Variants in ARL10 observed in about 807,000 individuals in gnomAD.
The protein encoded by ARL10 is ADP-ribosylation factor-like protein 10.
Under a neutral mutation model 26.1 loss-of-function variants are expected in ARL10, and 23 were observed. The ratio of observed to expected loss-of-function variants is 0.88; its 90% CI spans 0.63 to 1.25. The LOEUF (loss-of-function observed/expected upper bound fraction) is 1.25. Ranked by LOEUF, ARL10 falls within the 50% of genes most tolerant of loss-of-function variation. The probability of loss-of-function intolerance (pLI) is 0.00; values close to 1 mark genes in which losing one functional copy is unlikely to be tolerated. For synonymous variants in ARL10, 138 were observed against 149.1 expected, an observed-to-expected ratio of 0.93 and a Z score of 0.54; for missense variants, 300 against 323.6, an observed-to-expected ratio of 0.93 and a Z score of 0.56.
rs1377292204 is a variant in ARL10, at chr5:176,366,429, G to A, written c.233G>A (p.Arg78His). Reference sequence around the variant, plus strand: ...CCGGCGCTGGAGGAGCTGGAACAGCGCGAGGTGCTGGTGCTGGGGCTGGAT... The same window carrying A: ...CCGGCGCTGGAGGAGCTGGAACAGCACGAGGTGCTGGTGCTGGGGCTGGAT... ...EEPALEELEQ[R>H]EVLVLGLDGA... Residue 78 changes from arginine (R) to histidine (H), a missense_variant, in exon 2 of 4, where the codon CGC becomes CAC. Physicochemically the swap from Arg to His is conservative, Grantham distance 29. Transcript: ENST00000310389. The A allele has an allele frequency of 5.6e-6, 9 of 1,612,838 alleles. No homozygotes were observed. In the East Asian group the frequency reaches 1.8e-4, roughly 32 times the overall value.
chr5:176,410,381 C>A, the ARL10 span: 1 of 1,213,586 alleles, frequency 8.2e-7, no homozygotes, highest in East Asian at 2.4e-5. Context: ...ATTAGCCCCT[C>A]AACCCAAACT....
Position 176,372,083 on chromosome 5 carries a change from G to A in ARL10, c.*188G>A. The stretch of plus-strand genomic sequence containing the variant: ...GAAGCCTTCCTGGTGAGGTGGCCGT[G>A]AAGCCGAAGCAGGGAGGTGGGTGAG... On this transcript the variant is annotated 3_prime_UTR_variant, in exon 4 of 4. Transcript: ENST00000310389. 1.3e-5 allele frequency: 19 copies of A among 1,425,896 alleles called. No homozygotes were observed. The highest frequency in any genetic ancestry group is 1.6e-5 in the Non-Finnish European group (18 of 1,092,808). The allele number at this position is 1,425,896 out of a possible 1,614,324, so 88.3% of individuals were successfully genotyped here.
At chr5:176,410,406 G>GCA in the ARL10 span, 1 of 852,816 alleles carries the variant, frequency 1.2e-6, no homozygotes, top group Non-Finnish European at 1.9e-6. Flanking sequence ...GTATACCCAT[G>GCA]TATATATCGA....
At chr5:176,406,768 G>T, downstream of ARL10, 1 of 1,219,866 alleles carries the variant, frequency 8.2e-7, no homozygotes, top group Non-Finnish European at 1.1e-6. Flanking sequence ...TGAAAGTGTT[G>T]GGTGTGCACA....
chr5:176,388,097 A>G (rs918785862), intron 1 of ARL10: 12 of 636,640 alleles, frequency 1.9e-5, no homozygotes, highest in Non-Finnish European at 3.1e-5. Flanking sequence ...ACGTCAGTTG[A>G]GCGTTCTGAC....
chr5:176,383,847 G>A (rs1561779056), downstream of ARL10: 7 of 822,078 alleles, frequency 8.5e-6, no homozygotes, highest in Non-Finnish European at 1.3e-5. Context: ...AGCACTTGCT[G>A]ACAGGCGGGA....
intron 1 of ARL10, among the ~76,000 whole-genome samples, chr5:176,400,954 G>T (rs1756788214): frequency 6.6e-6 from 1 of 152,204 alleles, no homozygotes; most frequent in Non-Finnish European, 1.5e-5. Flanking sequence ...AGCTGCCTGG[G>T]GAGTGAGGGA....
chr5:176,392,939 G>A (rs543389086), downstream of ARL10: 10 of 1,614,094 alleles, frequency 6.2e-6, no homozygotes, highest in South Asian at 3.3e-5. The surrounding 1 kb of genome is among the most constrained non-coding windows in gnomAD (Gnocchi z 5.2). Flanking sequence ...AAGCCTCCTC[G>A]GATGCCCTGC....
At chr5:176,382,956 G>C (rs1237787468), downstream of ARL10, among the ~76,000 whole-genome samples, 4 of 152,230 alleles carry the variant, frequency 2.6e-5, no homozygotes, top group African/African-American at 7.2e-5. Context: ...AAGCACTGCT[G>C]TGTGCTTCCG....
At chr5:176,391,256 GT>G (rs1251444258), downstream of ARL10, among the ~76,000 whole-genome samples, 1 of 152,172 alleles carries the variant, frequency 6.6e-6, no homozygotes, top group Non-Finnish European at 1.5e-5. Flanking sequence ...GATGACCACT[GT>G]TTGTAAGTGT....
chr5:176,369,391 C>T, intron 3 of ARL10: 2 of 415,688 alleles, frequency 4.8e-6, no homozygotes, highest in Non-Finnish European at 8.5e-6. Flanking sequence ...TGCCACCACA[C>T]CCAGCCAATT....
At chr5:176,400,020 C>T (rs750240226) in intron 1 of ARL10, among the ~76,000 whole-genome samples, 7 of 151,904 alleles carry the variant, frequency 4.6e-5, no homozygotes, top group Non-Finnish European at 1.0e-4. Context: ...GGTGAAACCC[C>T]ATCTCTACTA....
At chr5:176,396,049 C>T (rs368142941) in intron 1 of ARL10, among the ~76,000 whole-genome samples, 8 of 152,096 alleles carry the variant, frequency 5.3e-5, no homozygotes. Context: ...GCAGGAGAAT[C>T]GCTTGAACCC....
At chr5:176,412,133 G>GTA in the ARL10 span, among the ~76,000 whole-genome samples, 3 of 146,714 alleles carry the variant, frequency 2.0e-5, no homozygotes, top group African/African-American at 7.6e-5. Context: ...CCGAGATCCC[G>GTA]CCACTGCACT....
At chr5:176,392,095 C>T (rs1581418097), downstream of ARL10, among the ~76,000 whole-genome samples, 1 of 152,280 alleles carries the variant, frequency 6.6e-6, no homozygotes, top group Admixed American at 6.5e-5. This position sits in a 1 kb window ranked among gnomAD's most constrained non-coding sequence, Gnocchi z 5.2. Context: ...AAGGTCCCAG[C>T]CAACCCTAAG....
downstream of ARL10, among the ~76,000 whole-genome samples, chr5:176,404,916 T>A (rs1194792227): frequency 2.0e-5 from 3 of 152,208 alleles, no homozygotes; most frequent in African/African-American, 7.2e-5. Flanking sequence ...TCCCTAACTT[T>A]AGTGCAGGCT....
chr5:176,397,782 C>T, intron 1 of ARL10: 1 of 1,543,158 alleles, frequency 6.5e-7, no homozygotes, highest in Non-Finnish European at 9.0e-7. Flanking sequence ...CGGCCGCGCT[C>T]CTCCCCTGGC....
intron 1 of ARL10, among the ~76,000 whole-genome samples, chr5:176,395,248 A>G (rs891368306): frequency 2.0e-5 from 3 of 152,256 alleles, no homozygotes; most frequent in Admixed American, 1.3e-4. Context: ...CTTTAAGGTC[A>G]GCTGAAGGTC....
chr5:176,386,544 G>A, downstream of ARL10: 2 of 449,526 alleles, frequency 4.4e-6, no homozygotes, highest in South Asian at 2.1e-5. Flanking sequence ...TTAAATTCAT[G>A]AGAAGCCATA....
Sources: gnomAD v4.1 joint callset for allele counts (sites outside exome capture counted in the v4.1 genomes callset) on GRCh38, gnomAD v4.1.1 for gene constraint, Gnocchi (gnomAD v3.1) non-coding constraint, MANE v1.5 for transcripts, NCBI Gene and HGNC (gene_info 2026-07-23, HGNC 2026-07-21) for gene names.